Variants in CRADD observed in about 807,000 individuals in gnomAD.
The protein encoded by CRADD is death domain-containing protein CRADD.
In CRADD, 9 loss-of-function variants were observed where a neutral mutation model predicts 15.5. That is an observed-to-expected ratio of 0.58 (90% confidence interval 0.35 to 1.01). CRADD has a LOEUF of 1.01. CRADD is among the 50% of genes least tolerant of loss of function. The pLI is 0.02. For synonymous variants in CRADD, 118 were observed against 107.6 expected, an observed-to-expected ratio of 1.10 and a Z score of -0.60; for missense variants, 227 against 250.3, an observed-to-expected ratio of 0.91 and a Z score of 0.63.
intron 2 of CRADD, among the ~76,000 whole-genome samples, chr12:93,821,681 G>T (rs759506403): frequency 6.6e-6 from 1 of 152,196 alleles, no homozygotes; most frequent in African/African-American, 2.4e-5. Context: ...AAGAAGAAAG[G>T]TAGAGAAACA....
intron 1 of CRADD, 190 bp downstream of exon 1, chr12:93,677,662 C>G (rs574649304): frequency 1.3e-5 from 2 of 152,434 alleles, no homozygotes; most frequent in African/African-American, 4.8e-5. Context: ...CCAGCACTCC[C>G]TCTTTAGCGG....
intron 2 of CRADD, among the ~76,000 whole-genome samples, chr12:93,830,135 G>C: frequency 6.6e-6 from 1 of 152,170 alleles, no homozygotes. Flanking sequence ...GCAGAGAGAG[G>C]CATCCCAGTG....
intron 2 of CRADD, among the ~76,000 whole-genome samples, chr12:93,835,848 G>C (rs915508882): frequency 1.3e-5 from 2 of 152,008 alleles, no homozygotes; most frequent in African/African-American, 4.8e-5. Context: ...GCATATGTTT[G>C]GGTGACTGTG....
intron 2 of CRADD, among the ~76,000 whole-genome samples, chr12:93,872,276 G>C (rs1958427208): frequency 6.6e-6 from 1 of 151,942 alleles, no homozygotes; most frequent in Non-Finnish European, 1.5e-5. Context: ...TTTTCCTATA[G>C]AGTTGGAATC....
intron 2 of CRADD, among the ~76,000 whole-genome samples, chr12:93,792,321 C>T (rs1358468432): frequency 6.6e-6 from 1 of 152,136 alleles, no homozygotes; most frequent in Non-Finnish European, 1.5e-5. Context: ...TGGAGACCCT[C>T]TTTCATCTAT....
At position 93,888,121 on chromosome 12, in the gene CRADD, G is replaced by A. The variant is rs1325022322; in HGVS notation, c.299-5929G>A. ...AACTGAAAGAGATTCAGTCTGGACA[G>A]ACTGTTAAGGATAGAGATGGCAGGC... is the stretch of plus-strand genomic sequence containing the variant. On this transcript the variant is annotated intron_variant, in intron 2 of 2. Transcript: ENST00000548483. 2.6e-5 allele frequency among the ~76,000 whole-genome samples: 4 copies of A among 152,192 alleles called. No individual in the cohort carries two copies. In the East Asian group the frequency reaches 7.7e-4, roughly 29 times the overall value.
intron 2 of CRADD, among the ~76,000 whole-genome samples, chr12:93,798,970 C>G (rs552456637): frequency 4.6e-5 from 7 of 152,024 alleles, no homozygotes; most frequent in Admixed American, 2.6e-4. Context: ...TCTCTTACAC[C>G]TGTGTGGAAG....
At chr12:93,802,661 G>T (rs1010298628) in intron 2 of CRADD, among the ~76,000 whole-genome samples, 1 of 152,306 alleles carries the variant, frequency 6.6e-6, no homozygotes, top group African/African-American at 2.4e-5. Flanking sequence ...TCTTCGGTCT[G>T]CTAGTCTCCT....
chr12:93,735,707 C>G (rs1396001758), intron 2 of CRADD: 1 of 152,026 alleles, frequency 6.6e-6, no homozygotes, highest in African/African-American at 2.4e-5. Flanking sequence ...TTGAGCCCAG[C>G]CTGGGTGACA....
intron 2 of CRADD, among the ~76,000 whole-genome samples, chr12:93,860,522 G>C (rs1303279504): frequency 6.6e-6 from 1 of 152,162 alleles, no homozygotes; most frequent in Non-Finnish European, 1.5e-5. Flanking sequence ...ATGCAGCAAA[G>C]GGCAGGAAGA....
At chr12:93,885,625 A>G (rs577589496) in intron 2 of CRADD, among the ~76,000 whole-genome samples, 2 of 152,296 alleles carry the variant, frequency 1.3e-5, no homozygotes, top group Admixed American at 6.5e-5. Flanking sequence ...CATTCTGCAT[A>G]ATAAGCTTGT....
intron 2 of CRADD, among the ~76,000 whole-genome samples, chr12:93,683,803 G>C (rs1281740526): frequency 2.0e-5 from 3 of 152,242 alleles, no homozygotes; most frequent in Non-Finnish European, 4.4e-5. Context: ...GGGTTTATTA[G>C]AGAGGTTTCT....
intron 2 of CRADD, among the ~76,000 whole-genome samples, chr12:93,891,030 T>G (rs917122614): frequency 6.6e-6 from 1 of 151,684 alleles, no homozygotes; most frequent in Non-Finnish European, 1.5e-5. Context: ...ATTACAGGCA[T>G]GAGCCACCAC....
intron 2 of CRADD, among the ~76,000 whole-genome samples, chr12:93,748,470 G>C (rs1008370351): frequency 1.7e-4 from 26 of 152,116 alleles, no homozygotes; most frequent in Non-Finnish European, 2.8e-4. Context: ...ACCACACCAG[G>C]CTAATTTTGT....
chr12:93,817,948 C>T (rs555801366), intron 2 of CRADD, among the ~76,000 whole-genome samples: 1 of 152,288 alleles, frequency 6.6e-6, no homozygotes, highest in Non-Finnish European at 1.5e-5. Context: ...GGCTGCTGGC[C>T]GTGCAGCGGT....
At chr12:93,795,554 G>A (rs1205246203) in intron 2 of CRADD, among the ~76,000 whole-genome samples, 6 of 152,172 alleles carry the variant, frequency 3.9e-5, no homozygotes, top group African/African-American at 1.4e-4. Flanking sequence ...CATTGGCAGA[G>A]CCAAGGCCTA....
At chr12:93,866,241 CTCTT>C (rs1958366397) in intron 2 of CRADD, among the ~76,000 whole-genome samples, 1 of 151,994 alleles carries the variant, frequency 6.6e-6, no homozygotes. Flanking sequence ...TTCTTTTTAT[CTCTT>C]TCTATGACTC....
At chr12:93,755,094 G>A (rs1956873835) in intron 2 of CRADD, among the ~76,000 whole-genome samples, 1 of 152,154 alleles carries the variant, frequency 6.6e-6, no homozygotes, top group Non-Finnish European at 1.5e-5. Flanking sequence ...ATGTGAAGGG[G>A]AATGGCCCTT....
intron 2 of CRADD, among the ~76,000 whole-genome samples, chr12:93,885,436 G>GCCC (rs138828699): frequency 5.9e-5 from 9 of 151,394 alleles, no homozygotes; most frequent in South Asian, 2.1e-4. Flanking sequence ...AGGTCCTCGT[G>GCCC]CCCCCGCCAC....
Sources: allele counts gnomAD v4.1 joint callset (sites outside exome capture counted in the v4.1 genomes callset), GRCh38; gene constraint gnomAD v4.1.1; transcripts MANE v1.5; gene names NCBI Gene and HGNC (gene_info 2026-07-23, HGNC 2026-07-21).